DLGAP5: variants seen among roughly 807,000 people sequenced by gnomAD.
The protein encoded by DLGAP5 is DLG associated protein 5, also known as disks large-associated protein 5.
A neutral mutation model predicts 99.6 loss-of-function variants in DLGAP5; 90 were observed. The ratio of observed to expected loss-of-function variants is 0.90; its 90% CI spans 0.76 to 1.08. The LOEUF is 1.08. Among genes scored for constraint, DLGAP5 ranks in the 50% least tolerant of loss-of-function variants. The probability of loss-of-function intolerance (pLI) is 0.00; values close to 1 mark genes in which losing one functional copy is unlikely to be tolerated. For synonymous variants in DLGAP5, 311 were observed against 321.3 expected (o/e 0.97, Z 0.34); for missense variants, 1,036 against 983.5 (o/e 1.05, Z -0.71).
intron 4 of DLGAP5, among the ~76,000 whole-genome samples, chr14:55,181,827 A>C (rs1423055028): frequency 1.3e-5 from 2 of 152,098 alleles, no homozygotes; most frequent in African/African-American, 4.8e-5. Context: ...CATATTATGT[A>C]TTTTTTTAAA....
chr14:55,165,445 C>G (rs1255961289), intron 12 of DLGAP5, among the ~76,000 whole-genome samples: 1 of 152,154 alleles, frequency 6.6e-6, no homozygotes, highest in Non-Finnish European at 1.5e-5. Flanking sequence ...GTTGTTTGAG[C>G]CCAGGAAGTG....
intron 3 of DLGAP5, among the ~76,000 whole-genome samples, chr14:55,182,934 C>T (rs776964647): frequency 6.6e-6 from 1 of 152,076 alleles, no homozygotes; most frequent in African/African-American, 2.4e-5. Context: ...ATCTAGGTGG[C>T]CCACACAAGT....
At chr14:55,153,884 C>T (rs148247536) in intron 15 of DLGAP5, among the ~76,000 whole-genome samples, 3,280 of 152,106 alleles carry the variant, frequency 0.022, 101 homozygotes, top group African/African-American at 0.075. Flanking sequence ...AGTGAAACCC[C>T]GTCTCTACTA....
intron 15 of DLGAP5, among the ~76,000 whole-genome samples, chr14:55,153,989 G>A (rs1452530618): frequency 6.6e-6 from 1 of 152,172 alleles, no homozygotes; most frequent in Non-Finnish European, 1.5e-5. Context: ...CCAGGAGGCA[G>A]AGGTTGCAGT....
intron 2 of DLGAP5, among the ~76,000 whole-genome samples, chr14:55,185,257 C>T (rs994855885): frequency 2.6e-5 from 4 of 152,178 alleles, no homozygotes; most frequent in South Asian, 2.1e-4. Context: ...TGGAATGCAG[C>T]GGCGTGATCT....
At position 55,175,924 on chromosome 14, in the gene DLGAP5, G is replaced by T; in HGVS notation, c.1144C>A (p.Pro382Thr). 1.2e-6 allele frequency: 2 copies of T among 1,608,206 alleles called. No homozygotes were observed. The highest frequency in any genetic ancestry group is 1.1e-5 in the South Asian group (1 of 90,024). ...IQQDSNKLPC[P>T]LGPLTVWHEE... ...TGCCAAACAGTTAGAGGACCCAAAG[G>T]ACATGGCAATTTATTTGAATCTTGC... The change falls in exon 9 of 19, where the codon CCT becomes ACT. Residue 382 changes from proline to threonine, a missense_variant. Pro to Thr is a conservative substitution (Grantham distance 38). Transcript: ENST00000247191.
chr14:55,176,976 G>GAA (rs34109336), intron 8 of DLGAP5, 86 bp downstream of exon 8: 5,395 of 252,710 alleles, frequency 0.021, 133 homozygotes, highest in African/African-American at 0.045. Flanking sequence ...AACTCCGTCT[G>GAA]AAAAAAAAAA....
At chr14:55,185,762 G>T (rs1883416368) in intron 2 of DLGAP5, among the ~76,000 whole-genome samples, 1 of 152,192 alleles carries the variant, frequency 6.6e-6, no homozygotes, top group Admixed American at 6.5e-5. Context: ...GGAATTACAG[G>T]TGTGAGCCAC....
chr14:55,154,299 CTAG>C (rs1333787901), intron 15 of DLGAP5, among the ~76,000 whole-genome samples: 1 of 152,158 alleles, frequency 6.6e-6, no homozygotes, highest in East Asian at 1.9e-4. Context: ...AGTTGCATAG[CTAG>C]TAAGTCACAG....
In DLGAP5 at chr14:55,184,701, T is replaced by A. The variant is rs115215868; in HGVS notation, c.239-948A>T. Among the ~76,000 whole-genome samples the A allele has an allele frequency of 8.6e-3, 1,312 of 152,272 alleles. 20 individuals carry two copies. The highest frequency in any genetic ancestry group is 0.029 in the African/African-American group (1,206 of 41,544). The stretch of plus-strand genomic sequence containing the variant: ...CCTTAAGAAGACTCAAGCAGTCCTA[T>A]GGAGATGTCCACATGACAAAGAACT... On this transcript the variant is annotated intron_variant, in intron 2 of 18. Transcript: ENST00000247191.
Position 55,175,372 on chromosome 14 carries a change from C to T in DLGAP5, c.1275G>A (p.Gln425=). Residue 425 remains glutamine (Q), a synonymous_variant, in exon 10 of 19, where the codon CAG becomes CAA. Coordinates refer to ENST00000247191, the MANE Select transcript of DLGAP5 (RefSeq NM_014750.5). ...TGAAATATGGCACACCATGGTGGGG[C>T]TGAGCAATTCGACCTTCATTTCTTT... ...SLERNEGRIA[Q]PHHGVPYFRN... The T allele has an allele frequency of 6.2e-7, 1 of 1,610,224 alleles. No individual in the cohort carries two copies. The highest frequency in any genetic ancestry group is 8.5e-7 in the Non-Finnish European group (1 of 1,178,818).
intron 18 of DLGAP5, among the ~76,000 whole-genome samples, chr14:55,149,223 T>C (rs17832359): frequency 0.36 from 54,379 of 152,124 alleles, 10,286 homozygotes; most frequent in Non-Finnish European, 0.41. Flanking sequence ...GATTTACTTA[T>C]AACAACATAC....
At position 55,190,153 on chromosome 14, in the gene DLGAP5, G is replaced by A. The variant is rs573946233; in HGVS notation, c.-1-973C>T. 5.8e-4 allele frequency among the ~76,000 whole-genome samples: 89 copies of A among 152,180 alleles called. No individual in the cohort carries two copies. The South Asian group carries it at 0.01, about 17-fold the overall frequency. ...CCATACAAGAAATCATACAGTTTAGGCCGGCACGGTGGCTTAGGCCTGTAA... is the reference window on the plus strand; with the variant it reads ...CCATACAAGAAATCATACAGTTTAGACCGGCACGGTGGCTTAGGCCTGTAA... On this transcript the variant is annotated intron_variant, in intron 1 of 18. Coordinates refer to ENST00000247191, the MANE Select transcript of DLGAP5 (RefSeq NM_014750.5).
At position 55,177,231 on chromosome 14, in the gene DLGAP5, G is replaced by A. The variant is rs1166083075; in HGVS notation, c.880C>T (p.Pro294Ser). Residue 294 changes from proline (P) to serine (S), a missense_variant, in exon 8 of 19, where the codon CCT becomes TCT. By Grantham distance (74) the Pro-to-Ser change is moderately conservative. Transcript: ENST00000247191. The part of the protein sequence containing the change: ...DGVLSKMENL[P>S]EINTAKIKGK... ...TTTATTTTTGCAGTATTTATCTCAG[G>A]TAAGTTTTCCATTTTTGATAAGACT... 1.9e-6 allele frequency: 3 copies of A among 1,613,182 alleles called. No individual in the cohort carries two copies. The highest frequency in any genetic ancestry group is 2.7e-5 in the African/African-American group (2 of 74,942).
intron 12 of DLGAP5, among the ~76,000 whole-genome samples, chr14:55,164,509 T>C (rs377505459): frequency 2.8e-4 from 42 of 152,264 alleles, no homozygotes; most frequent in African/African-American, 9.1e-4. Flanking sequence ...AAATGGATCA[T>C]AGACTTAACT....
chr14:55,162,073 C>T (rs1183061050), intron 13 of DLGAP5, among the ~76,000 whole-genome samples: 3 of 151,596 alleles, frequency 2.0e-5, no homozygotes, highest in Non-Finnish European at 4.4e-5. Context: ...ACTGACAATG[C>T]TTAGTTTGAA....
intron 13 of DLGAP5, among the ~76,000 whole-genome samples, 169 bp downstream of exon 13, chr14:55,162,802 T>C (rs1056670508): frequency 6.6e-6 from 1 of 152,076 alleles, no homozygotes; most frequent in Non-Finnish European, 1.5e-5. Flanking sequence ...TCAAGTACAC[T>C]CTAAGTAGTA....
intron 13 of DLGAP5, 67 bp downstream of exon 13, chr14:55,162,904 T>C: frequency 3.1e-6 from 2 of 638,166 alleles, no homozygotes; most frequent in Non-Finnish European, 5.0e-6. Context: ...TATTAGAAAT[T>C]TGGATGTATG....
At chr14:55,187,379 C>T (rs541725296) in intron 2 of DLGAP5, among the ~76,000 whole-genome samples, 5 of 143,960 alleles carry the variant, frequency 3.5e-5, no homozygotes, top group South Asian at 4.4e-4. Context: ...AGTACAATAG[C>T]GTGATCTCAG....
Sources: allele counts gnomAD v4.1 joint callset (sites outside exome capture counted in the v4.1 genomes callset), GRCh38; gene constraint gnomAD v4.1.1; transcripts MANE v1.5; gene names NCBI Gene and HGNC (gene_info 2026-07-23, HGNC 2026-07-21).